The following SRGAP2B variants were observed in gnomAD, a reference collection of about 807,000 sequenced individuals.
The protein encoded by SRGAP2B is SLIT-ROBO Rho GTPase-activating protein 2B.
Under a neutral mutation model 22.2 loss-of-function variants are expected in SRGAP2B, and 9 were observed. That is an observed-to-expected ratio of 0.41 (90% CI 0.24 to 0.71). The LOEUF (loss-of-function observed/expected upper bound fraction) is 0.71. Among genes scored for constraint, SRGAP2B ranks in the 30% least tolerant of loss-of-function variants. The pLI is 0.35. For missense variants in SRGAP2B, 114 were observed against 235.8 expected (o/e 0.48, Z 3.38); for synonymous variants, 36 against 87.4 (o/e 0.41, Z 3.28).
At chr1:145,008,909 C>T (rs1469929449) in intron 2 of SRGAP2B, among the ~76,000 whole-genome samples, 3 of 150,008 alleles carry the variant, frequency 2.0e-5, no homozygotes, top group East Asian at 3.9e-4. Context: ...CGGTGGCTCA[C>T]GCCTATAATC....
At chr1:144,904,972 A>G (rs1662876357) in intron 7 of SRGAP2B, 119 bp downstream of exon 7, 15 of 569,000 alleles carry the variant, frequency 2.6e-5, no homozygotes, top group Middle Eastern at 6.8e-4. Flanking sequence ...CATGGCTGCT[A>G]TCTTCCTAAT....
At chr1:144,944,760 G>A (rs1450828892) in intron 4 of SRGAP2B, among the ~76,000 whole-genome samples, 3 of 140,798 alleles carry the variant, frequency 2.1e-5, no homozygotes, top group East Asian at 4.1e-4. Context: ...CTCCCAGGCT[G>A]GAGTGCAGTG....
intron 2 of SRGAP2B, among the ~76,000 whole-genome samples, chr1:145,067,941 C>T (rs1460863996): frequency 1.4e-4 from 4 of 28,872 alleles, no homozygotes; most frequent in African/African-American, 4.9e-4. Flanking sequence ...TGGTGGCTCA[C>T]GCCTGTAATC....
intron 4 of SRGAP2B, among the ~76,000 whole-genome samples, chr1:144,939,722 G>A (rs1191119698): frequency 6.7e-6 from 1 of 149,090 alleles, no homozygotes; most frequent in Non-Finnish European, 1.5e-5. Flanking sequence ...GAAAGCTCAG[G>A]TAGACTATGT....
intron 4 of SRGAP2B, among the ~76,000 whole-genome samples, chr1:144,925,726 G>A (rs1391326332): frequency 1.4e-3 from 113 of 79,072 alleles, no homozygotes; most frequent in Non-Finnish European, 2.0e-3. Context: ...GAGAGAGAAA[G>A]AAAAGAAAGA....
At chr1:145,013,127 A>G (rs1163165939) in intron 2 of SRGAP2B, among the ~76,000 whole-genome samples, 1 of 150,568 alleles carries the variant, frequency 6.6e-6, no homozygotes, top group Non-Finnish European at 1.5e-5. Context: ...AATACAAAAT[A>G]AGAATATCCC....
At chr1:145,014,910 C>T (rs367898215) in intron 2 of SRGAP2B, among the ~76,000 whole-genome samples, 1 of 32,126 alleles carries the variant, frequency 3.1e-5, no homozygotes, top group East Asian at 1.2e-3. Context: ...AAAATGGACG[C>T]TATTAAATTT....
intron 4 of SRGAP2B, among the ~76,000 whole-genome samples, chr1:144,925,787 GAAAGAAAGGAGA>G (rs1664685694): frequency 9.5e-6 from 1 of 105,646 alleles, no homozygotes; most frequent in Non-Finnish European, 2.1e-5. Context: ...AAGAAAGAAA[GAAAGAAAGGAGA>G]GAGAAAGAAA....
chr1:145,016,849 T>G (rs1226827492), intron 2 of SRGAP2B, among the ~76,000 whole-genome samples: 8 of 151,062 alleles, frequency 5.3e-5, no homozygotes, highest in East Asian at 3.9e-4. Context: ...CAAGTTTTTT[T>G]TTTTTTGTTT....
intron 2 of SRGAP2B, among the ~76,000 whole-genome samples, chr1:145,068,893 ATGTGTGTGTGTGTGTGTGTGTGTG>A (rs797031320): frequency 2.5e-4 from 27 of 109,248 alleles, no homozygotes; most frequent in African/African-American, 7.5e-4. Context: ...ATAAGGTAAA[ATGTGTGTGTGTGTGTGTGTGTGTG>A]TGTGTGTGTG....
At chr1:144,947,489 C>T (rs1283441978) in intron 4 of SRGAP2B, among the ~76,000 whole-genome samples, 1 of 149,970 alleles carries the variant, frequency 6.7e-6, no homozygotes, top group Non-Finnish European at 1.5e-5. Context: ...TCTCTTGTGA[C>T]TGATTCACTA....
At chr1:145,025,992 C>A (rs1647691921) in intron 2 of SRGAP2B, among the ~76,000 whole-genome samples, 1 of 123,592 alleles carries the variant, frequency 8.1e-6, no homozygotes, top group African/African-American at 2.9e-5. Flanking sequence ...AATGAAAATC[C>A]AGTTTTTAAA....
intron 4 of SRGAP2B, among the ~76,000 whole-genome samples, chr1:144,925,731 G>GAA (rs1370315905): frequency 2.8e-5 from 1 of 35,726 alleles, no homozygotes; most frequent in Non-Finnish European, 6.3e-5. Flanking sequence ...AGAAAGAAAA[G>GAA]AAAGAAAGAA....
intron 4 of SRGAP2B, among the ~76,000 whole-genome samples, chr1:144,925,760 A>AAAGC (rs1664662947): frequency 7.0e-6 from 1 of 143,298 alleles, no homozygotes; most frequent in Non-Finnish European, 1.5e-5. Flanking sequence ...AGAAAGAAAG[A>AAAGC]AAGAAAGAAA....
intron 3 of SRGAP2B, among the ~76,000 whole-genome samples, chr1:144,966,840 C>A (rs1363773873): frequency 6.7e-6 from 1 of 149,124 alleles, no homozygotes; most frequent in Non-Finnish European, 1.5e-5. Flanking sequence ...GGGTTGCAAT[C>A]CTAGTCTCTG....
chr1:144,985,859 T>G (rs587757877), intron 3 of SRGAP2B, among the ~76,000 whole-genome samples: 3 of 148,380 alleles, frequency 2.0e-5, no homozygotes, highest in Admixed American at 2.0e-4. Context: ...TCTCATTCTC[T>G]GGGGGAAGGA....
At chr1:144,997,414 G>A (rs1224971775) in intron 2 of SRGAP2B, among the ~76,000 whole-genome samples, 2 of 150,628 alleles carry the variant, frequency 1.3e-5, no homozygotes, top group African/African-American at 5.0e-5. Flanking sequence ...CTGGGCGACA[G>A]AGCAAGACTC....
chr1:144,958,422 C>T (rs1667436357), intron 3 of SRGAP2B, among the ~76,000 whole-genome samples: 1 of 148,698 alleles, frequency 6.7e-6, no homozygotes, highest in African/African-American at 2.6e-5. Context: ...CTTTGGGAGG[C>T]CAAGGCAGGT....
intron 2 of SRGAP2B, among the ~76,000 whole-genome samples, chr1:145,036,076 C>T (rs1311249277): frequency 1.4e-5 from 2 of 138,836 alleles, no homozygotes; most frequent in African/African-American, 5.7e-5. Flanking sequence ...GACACAACCA[C>T]CCATTACCAA....
Sources: gnomAD v4.1 joint callset for allele counts (sites outside exome capture counted in the v4.1 genomes callset) on GRCh38, gnomAD v4.1.1 for gene constraint, MANE v1.5 for transcripts, NCBI Gene and HGNC (gene_info 2026-07-23, HGNC 2026-07-21) for gene names.